PINX1: variants seen among roughly 807,000 people sequenced by gnomAD.
PINX1 encodes the protein PIN2 (TERF1) interacting telomerase inhibitor 1.
PINX1 carries 34 observed loss-of-function variants against 25.4 expected under a neutral mutation model. The ratio of observed to expected loss-of-function variants is 1.34; its 90% CI spans 1.02 to 1.78. The LOEUF (loss-of-function observed/expected upper bound fraction) is 1.78. Ranked by LOEUF, PINX1 falls within the 40% of genes most tolerant of loss-of-function variation. The pLI, the probability that PINX1 is intolerant of heterozygous loss-of-function variation, is 0.00. For synonymous variants in PINX1, 197 were observed against 147.7 expected, an observed-to-expected ratio of 1.33 and a Z score of -2.42; for missense variants, 592 against 404.9, an observed-to-expected ratio of 1.46 and a Z score of -3.97.
chr8:10,783,371 A>T (rs957664812), intron 6 of PINX1, among the ~76,000 whole-genome samples: 5 of 152,186 alleles, frequency 3.3e-5, no homozygotes, highest in Admixed American at 3.3e-4. Context: ...AAGTGTCTGG[A>T]GCACTTACAG....
intron 6 of PINX1, among the ~76,000 whole-genome samples, chr8:10,780,056 T>C (rs1801535462): frequency 6.6e-6 from 1 of 152,230 alleles, no homozygotes; most frequent in African/African-American, 2.4e-5. Flanking sequence ...CCAGAGATTT[T>C]TGTATGTTGA....
At chr8:10,837,453 G>C (rs962095966) in intron 1 of PINX1, among the ~76,000 whole-genome samples, 1 of 152,202 alleles carries the variant, frequency 6.6e-6, no homozygotes, top group Admixed American at 6.5e-5. Flanking sequence ...TCTTAGCAGT[G>C]AGTGCGACTA....
intron 6 of PINX1, among the ~76,000 whole-genome samples, chr8:10,792,767 G>T (rs551105781): frequency 6.6e-6 from 1 of 152,306 alleles, no homozygotes; most frequent in Non-Finnish European, 1.5e-5. Flanking sequence ...TAATTGCTGT[G>T]ATGTGATAAA....
intron 6 of PINX1, among the ~76,000 whole-genome samples, chr8:10,790,084 G>T (rs994019114): frequency 6.6e-6 from 1 of 152,030 alleles, no homozygotes; most frequent in Non-Finnish European, 1.5e-5. Flanking sequence ...AGGTGGAGGC[G>T]CCGTCTGCAC....
In PINX1 at chr8:10,765,405, T is replaced by G. The variant is rs761089895; in HGVS notation, c.983A>C (p.Lys328Thr). 1.9e-6 allele frequency: 3 copies of G among 1,599,536 alleles called. No homozygotes were observed. Among genetic ancestry groups the G allele is most frequent in the South Asian group, 1.1e-5 (1 of 89,760 alleles). Reference protein sequence around the residue: ...LVKKKKKKDSK With the variant: ...LVKKKKKKDST ...AAGGCCCCGGCTGGGAAGGATTCAT[T>G]TGGAATCTTTCTTCTTCTTCTTTTT... Residue 328 changes from lysine to threonine, a missense_variant, in exon 7 of 7, where the codon AAA becomes ACA. Physicochemically the swap from Lys to Thr is moderately conservative, Grantham distance 78. Transcript: ENST00000314787.
rs1291835028 is a variant in PINX1, at chr8:10,765,077, C to T, written c.*324G>A. ...TGACACACACACACACACACAGATG[C>T]GCACATGCACACACACGTGTGCACA... On this transcript the variant is annotated 3_prime_UTR_variant, in exon 7 of 7. Coordinates refer to ENST00000314787, the MANE Select transcript of PINX1 (RefSeq NM_017884.6). 3.1e-5 allele frequency: 8 copies of T among 261,696 alleles called. No homozygotes were observed. The highest frequency in any genetic ancestry group is 2.1e-4 in the South Asian group (2 of 9,422). 16.2% of individuals were successfully genotyped at this position (261,696 alleles called of 1,614,324 possible). A position where few individuals can be genotyped will look rare whatever the true frequency, so the allele number is the denominator to read the frequency against.
chr8:10,776,104 AAGG>A (rs1241985204), intron 6 of PINX1, among the ~76,000 whole-genome samples: 3 of 152,172 alleles, frequency 2.0e-5, no homozygotes, highest in Admixed American at 2.0e-4. Context: ...CACTCAGTAA[AAGG>A]AGAAGGCAAA....
At chr8:10,821,095 T>C (rs915373031) in intron 5 of PINX1, among the ~76,000 whole-genome samples, 3 of 152,226 alleles carry the variant, frequency 2.0e-5, no homozygotes, top group African/African-American at 7.2e-5. Context: ...CATTTTAAAA[T>C]GTAACTACTC....
At chr8:10,802,634 G>A (rs1240301551) in intron 6 of PINX1, among the ~76,000 whole-genome samples, 1 of 152,110 alleles carries the variant, frequency 6.6e-6, no homozygotes, top group Admixed American at 6.5e-5. Flanking sequence ...CACTAGCCAG[G>A]AGTACACAGA....
chr8:10,800,403 C>T (rs1260217718), intron 6 of PINX1, among the ~76,000 whole-genome samples: 1 of 151,606 alleles, frequency 6.6e-6, no homozygotes, highest in Non-Finnish European at 1.5e-5. Flanking sequence ...AACTTGGGTT[C>T]TTCTTGGTCA....
chr8:10,820,399 C>T (rs557454901), intron 5 of PINX1, 130 bp from the exon 6 acceptor site: 2 of 699,496 alleles, frequency 2.9e-6, no homozygotes, highest in African/African-American at 3.5e-5. Flanking sequence ...AAACTACTGA[C>T]TTTCTACCCA....
rs899284477 is a variant in PINX1 at position 10,776,191 on chromosome 8, C to T, written c.472-10275G>A. Among the ~76,000 whole-genome samples the T allele has an allele frequency of 3.3e-5, 5 of 152,026 alleles. No homozygotes were observed. The South Asian group carries it at 6.2e-4, about 19-fold the overall frequency. ...CTGTAAACCCAGCACTTTGGGAGGC[C>T]GAGGCAGGTGGATCACCTAAGATCA... On this transcript the variant is annotated intron_variant, in intron 6 of 6. Coordinates refer to ENST00000314787, the MANE Select transcript of PINX1 (RefSeq NM_017884.6).
At chr8:10,825,538 T>G (rs528681702) in intron 5 of PINX1, 70 of 510,952 alleles carry the variant, frequency 1.4e-4, no homozygotes, top group South Asian at 9.9e-4. Flanking sequence ...AACAACCGCA[T>G]GCACAAATGA....
chr8:10,807,993 CAAAGAGTCTAGAGGGAAA>C lies in PINX1; in HGVS notation c.471+12182_471+12199del, dbSNP rs555307958. ...TGAAAGTTTTATATTAAGAGGCTAC[CAAAGAGTCTAGAGGGAAA>C]AAACAAAATCACACAGATATACAGA... On this transcript the variant is annotated intron_variant, in intron 6 of 6. Transcript: ENST00000314787. Among the ~76,000 whole-genome samples, 1,378 of 152,190 alleles carry C rather than the reference CAAAGAGTCTAGAGGGAAA, an allele frequency of 9.1e-3. 12 individuals carry two copies. Among genetic ancestry groups the C allele is most frequent in the South Asian group, 0.036 (173 of 4,822 alleles).
chr8:10,774,771 C>T (rs1482223853), intron 6 of PINX1, among the ~76,000 whole-genome samples: 2 of 152,172 alleles, frequency 1.3e-5, no homozygotes, highest in Non-Finnish European at 2.9e-5. Context: ...TTTTCACATA[C>T]TCTTTCTTTC....
chr8:10,837,448 G>A (rs1372459598), intron 1 of PINX1, among the ~76,000 whole-genome samples: 1 of 152,150 alleles, frequency 6.6e-6, no homozygotes, highest in Non-Finnish European at 1.5e-5. Context: ...ATAAATCTTA[G>A]CAGTGAGTGC....
chr8:10,771,482 T>C (rs1382745553), intron 6 of PINX1: 1 of 152,232 alleles, frequency 6.6e-6, no homozygotes, highest in African/African-American at 2.4e-5. Flanking sequence ...TTTTCTGTAT[T>C]TGTTTAATTT....
chr8:10,838,347 C>T (rs993898369), intron 1 of PINX1, among the ~76,000 whole-genome samples: 1 of 152,118 alleles, frequency 6.6e-6, no homozygotes, highest in African/African-American at 2.4e-5. Context: ...TTTGGAATAA[C>T]GTTGGGAAGA....
At chr8:10,776,697 G>A (rs1053010637) in intron 6 of PINX1, among the ~76,000 whole-genome samples, 21 of 152,062 alleles carry the variant, frequency 1.4e-4, no homozygotes, top group African/African-American at 5.1e-4. Context: ...GCTCTGCGTC[G>A]TAAGGTCAGG....
Sources: allele counts gnomAD v4.1 joint callset (sites outside exome capture counted in the v4.1 genomes callset), GRCh38; gene constraint gnomAD v4.1.1; transcripts MANE v1.5; gene names NCBI Gene and HGNC (gene_info 2026-07-23, HGNC 2026-07-21).